Variants in SLCO6A1 observed in about 807,000 individuals in gnomAD.
SLCO6A1 encodes solute carrier organic anion transporter family member 6A1, also known as cancer/testis antigen 48.
SLCO6A1 carries 65 observed loss-of-function variants against 72.7 expected under a neutral mutation model. The observed-to-expected ratio is 0.89, with a 90% CI of 0.73 to 1.10. The LOEUF is 1.10. Among genes scored for constraint, SLCO6A1 ranks in the 50% least tolerant of loss-of-function variants. The pLI, the probability that SLCO6A1 is intolerant of heterozygous loss-of-function variation, is 0.00. For missense variants in SLCO6A1, 874 were observed against 872.6 expected (o/e 1.00, Z -0.02); for synonymous variants, 314 against 298.2 (o/e 1.05, Z -0.55).
chr5:102,428,028 C>T (rs1201640576), intron 7 of SLCO6A1, among the ~76,000 whole-genome samples: 4 of 150,870 alleles, frequency 2.7e-5, no homozygotes, highest in African/African-American at 7.3e-5. Flanking sequence ...ACCACCATAC[C>T]ACCATACTAA....
intron 1 of SLCO6A1, among the ~76,000 whole-genome samples, chr5:102,487,144 C>G (rs1409387989): frequency 6.6e-6 from 1 of 152,150 alleles, no homozygotes; most frequent in African/African-American, 2.4e-5. Flanking sequence ...ATGAAAAAAT[C>G]ATACTTCACA....
At chr5:102,389,538 C>G (rs1477102078) in intron 11 of SLCO6A1, among the ~76,000 whole-genome samples, 1 of 145,776 alleles carries the variant, frequency 6.9e-6, no homozygotes, top group Non-Finnish European at 1.5e-5. Context: ...TCTTTCTTGA[C>G]CAAATATCAG....
At chr5:102,432,465 A>C (rs924950162) in intron 7 of SLCO6A1, among the ~76,000 whole-genome samples, 1 of 152,264 alleles carries the variant, frequency 6.6e-6, no homozygotes, top group Non-Finnish European at 1.5e-5. Context: ...TCTTGTTTGA[A>C]AATGATTTTA....
intron 2 of SLCO6A1, 83 bp downstream of exon 2, chr5:102,480,094 T>C (rs1752110514): frequency 1.6e-6 from 2 of 1,281,124 alleles, no homozygotes; most frequent in Non-Finnish European, 2.1e-6. Flanking sequence ...GACAAATAAT[T>C]ATCACAGTCT....
At chr5:102,435,406 T>A (rs1749473573) in intron 7 of SLCO6A1, among the ~76,000 whole-genome samples, 3 of 151,914 alleles carry the variant, frequency 2.0e-5, no homozygotes, top group Admixed American at 6.5e-5. Flanking sequence ...CCAGAAGTGA[T>A]AATGGAACAC....
intron 7 of SLCO6A1, among the ~76,000 whole-genome samples, chr5:102,434,925 T>G (rs754258024): frequency 1.3e-5 from 2 of 152,204 alleles, no homozygotes; most frequent in East Asian, 1.9e-4. Flanking sequence ...ATAGCCACTA[T>G]GAGCAGAGAC....
At chr5:102,407,669 A>G (rs1359665343) in intron 9 of SLCO6A1, among the ~76,000 whole-genome samples, 1 of 152,204 alleles carries the variant, frequency 6.6e-6, no homozygotes, top group African/African-American at 2.4e-5. Flanking sequence ...GATACAAAAT[A>G]TGTAACATAA....
chr5:102,446,585 C>T (rs1320860753), intron 6 of SLCO6A1, among the ~76,000 whole-genome samples: 1 of 152,104 alleles, frequency 6.6e-6, no homozygotes, highest in African/African-American at 2.4e-5. Context: ...CCAGGACTTC[C>T]AATACTATGT....
chr5:102,396,995 T>C (rs1747120764), intron 10 of SLCO6A1, among the ~76,000 whole-genome samples: 1 of 152,194 alleles, frequency 6.6e-6, no homozygotes, highest in Non-Finnish European at 1.5e-5. Context: ...AGCAGTCAGA[T>C]TGCCTACTCT....
At chr5:102,376,064 A>G (rs1745770671) in intron 12 of SLCO6A1, among the ~76,000 whole-genome samples, 1 of 152,184 alleles carries the variant, frequency 6.6e-6, no homozygotes, top group Admixed American at 6.5e-5. Context: ...ATAAAAAGAC[A>G]TATTACATGT....
Position 102,399,749 on chromosome 5 carries a change from G to T in SLCO6A1, c.1627-7C>A. The T allele has an allele frequency of 6.6e-7, 1 of 1,517,164 alleles. No individual in the cohort carries two copies. Among genetic ancestry groups the T allele is most frequent in the Non-Finnish European group, 8.9e-7 (1 of 1,126,320 alleles). The allele number at this position is 1,517,164 out of a possible 1,614,324, so 94.0% of individuals were successfully genotyped here. A position where few individuals can be genotyped will look rare whatever the true frequency, so the allele number is the denominator to read the frequency against. On this transcript the variant is annotated splice_region_variant and splice_polypyrimidine_tract_variant and intron_variant, in intron 9 of 13. Coordinates refer to ENST00000506729, the MANE Select transcript of SLCO6A1 (RefSeq NM_173488.5). ...AAGAACAATTGTAGTACATCTGTGA[G>T]TATTGAAGACAGGAAACAATCTTTC... is the stretch of plus-strand genomic sequence containing the variant.
At chr5:102,379,509 T>A (rs2112479937) in intron 12 of SLCO6A1, among the ~76,000 whole-genome samples, 1 of 152,234 alleles carries the variant, frequency 6.6e-6, no homozygotes, top group African/African-American at 2.4e-5. Context: ...CAATAACCTT[T>A]TTGTTTGTTT....
At chr5:102,383,095 A>ATAGATATATATATATATAT (rs1554064835) in intron 12 of SLCO6A1, among the ~76,000 whole-genome samples, 1 of 128,572 alleles carries the variant, frequency 7.8e-6, no homozygotes, top group Non-Finnish European at 1.7e-5. Flanking sequence ...TATGTGTGTG[A>ATAGATATATATATATATAT]ATATATATAT....
chr5:102,391,477 A>G (rs934543600), intron 10 of SLCO6A1, among the ~76,000 whole-genome samples: 1 of 152,122 alleles, frequency 6.6e-6, no homozygotes, highest in Non-Finnish European at 1.5e-5. Context: ...GACTATATCA[A>G]TGGGCTCTCT....
At chr5:102,495,053 C>A (rs1193459432) in intron 1 of SLCO6A1, among the ~76,000 whole-genome samples, 1 of 151,980 alleles carries the variant, frequency 6.6e-6, no homozygotes, top group African/African-American at 2.4e-5. Context: ...TGATACTATT[C>A]ACAATAAAAA....
chr5:102,495,977 G>A (rs925785175), intron 1 of SLCO6A1, among the ~76,000 whole-genome samples: 9 of 152,228 alleles, frequency 5.9e-5, no homozygotes, highest in Non-Finnish European at 1.5e-5. Context: ...TGCAACATAT[G>A]TTCCTGTATA....
chr5:102,388,517 T>A (rs1372152223), intron 12 of SLCO6A1, among the ~76,000 whole-genome samples, 171 bp downstream of exon 12: 1 of 152,088 alleles, frequency 6.6e-6, no homozygotes, highest in Non-Finnish European at 1.5e-5. Context: ...TTTTATTTTT[T>A]AAAATTTTAC....
At chr5:102,446,646 G>A (rs1580442269) in intron 6 of SLCO6A1, among the ~76,000 whole-genome samples, 1 of 152,144 alleles carries the variant, frequency 6.6e-6, no homozygotes, top group Admixed American at 6.5e-5. Flanking sequence ...AGTTTTCAAA[G>A]GGGAATATTT....
At chr5:102,439,517 G>T (rs867343669) in intron 6 of SLCO6A1, among the ~76,000 whole-genome samples, 2 of 151,992 alleles carry the variant, frequency 1.3e-5, no homozygotes, top group South Asian at 4.2e-4. Flanking sequence ...TGTTAGGTAT[G>T]ATCATAGTCT....
Sources: allele counts gnomAD v4.1 joint callset (sites outside exome capture counted in the v4.1 genomes callset), GRCh38; gene constraint gnomAD v4.1.1; transcripts MANE v1.5; gene names NCBI Gene and HGNC (gene_info 2026-07-23, HGNC 2026-07-21).